The following REC114 variants were observed in gnomAD, a reference collection of about 807,000 sequenced individuals.
The protein encoded by REC114 is REC114 meiotic recombination protein.
Under a neutral mutation model 31.3 loss-of-function variants are expected in REC114, and 27 were observed. That is an observed-to-expected ratio of 0.86 (90% CI 0.64 to 1.19). REC114 has a LOEUF of 1.19. Ranked by LOEUF, REC114 falls within the 50% of genes most tolerant of loss-of-function variation. The pLI is 0.00. For missense variants in REC114, 344 were observed against 326.9 expected, an observed-to-expected ratio of 1.05 and a Z score of -0.40; for synonymous variants, 134 against 127.7, an observed-to-expected ratio of 1.05 and a Z score of -0.33.
intron 3 of REC114, among the ~76,000 whole-genome samples, chr15:73,549,447 C>T (rs1041304925): frequency 7.1e-4 from 108 of 151,914 alleles, no homozygotes; most frequent in African/African-American, 2.5e-3. Flanking sequence ...AACAGGATGA[C>T]GATAATGGAA....
intron 1 of REC114, among the ~76,000 whole-genome samples, chr15:73,471,968 G>A (rs1331912904): frequency 6.6e-6 from 1 of 152,158 alleles, no homozygotes; most frequent in Non-Finnish European, 1.5e-5. Context: ...GGAAAAAGAA[G>A]CAGATAGTGA....
At chr15:73,543,942 C>CTTTTTTT (rs34215297) in intron 3 of REC114, among the ~76,000 whole-genome samples, 13 of 74,134 alleles carry the variant, frequency 1.8e-4, no homozygotes, top group Non-Finnish European at 2.7e-4. Flanking sequence ...TGTTAACTGG[C>CTTTTTTT]TTTTTTTTTT....
At chr15:73,455,553 G>A (rs879880683) in intron 1 of REC114, among the ~76,000 whole-genome samples, 1 of 152,074 alleles carries the variant, frequency 6.6e-6, no homozygotes, top group Non-Finnish European at 1.5e-5. Flanking sequence ...CCTAAGACTC[G>A]AAGTCCTAGT....
chr15:73,551,659 A>C (rs555947067), intron 4 of REC114, among the ~76,000 whole-genome samples: 4 of 152,326 alleles, frequency 2.6e-5, no homozygotes, highest in African/African-American at 7.2e-5. Flanking sequence ...GTCTCAAGGG[A>C]ACGCACCTGT....
intron 1 of REC114, among the ~76,000 whole-genome samples, chr15:73,444,127 T>G (rs1054408228): frequency 1.3e-5 from 2 of 152,274 alleles, no homozygotes; most frequent in Non-Finnish European, 2.9e-5. Context: ...GTCTTTTTGC[T>G]GCTGGAGGGT....
chr15:73,464,464 C>T (rs1048324249), intron 1 of REC114, among the ~76,000 whole-genome samples: 23 of 152,012 alleles, frequency 1.5e-4, no homozygotes, highest in African/African-American at 5.3e-4. Context: ...ATTGCTTTAG[C>T]CCATTGGGTA....
intron 1 of REC114, among the ~76,000 whole-genome samples, chr15:73,455,228 C>T (rs1325289032): frequency 6.6e-6 from 1 of 152,110 alleles, no homozygotes. Context: ...ACTGTACTCT[C>T]TAAGTCTCAT....
intron 2 of REC114, among the ~76,000 whole-genome samples, chr15:73,499,343 A>G (rs1893572318): frequency 1.3e-5 from 2 of 152,086 alleles, no homozygotes; most frequent in African/African-American, 2.4e-5. Flanking sequence ...GAGTGTTTTA[A>G]ATAGCAAAGT....
At chr15:73,528,194 T>A (rs1480161933) in intron 2 of REC114, among the ~76,000 whole-genome samples, 4 of 152,138 alleles carry the variant, frequency 2.6e-5, no homozygotes, top group African/African-American at 7.2e-5. Context: ...TATAACAAAA[T>A]AGTTGATGAG....
intron 2 of REC114, among the ~76,000 whole-genome samples, chr15:73,499,489 T>C (rs1234034004): frequency 6.6e-6 from 1 of 152,132 alleles, no homozygotes; most frequent in Non-Finnish European, 1.5e-5. Context: ...TTTTAACATT[T>C]GAGTTCCCTA....
intron 4 of REC114, among the ~76,000 whole-genome samples, chr15:73,553,577 G>A (rs1595884077): frequency 1.3e-5 from 2 of 152,186 alleles, no homozygotes; most frequent in East Asian, 3.9e-4. Flanking sequence ...TAAAGGTAAT[G>A]AAGTCACATC....
chr15:73,547,202 GA>G (rs1002558722), intron 3 of REC114, among the ~76,000 whole-genome samples: 20 of 151,648 alleles, frequency 1.3e-4, no homozygotes, highest in African/African-American at 4.8e-4. Flanking sequence ...ACTCAATAGG[GA>G]AAAAAAATCT....
At chr15:73,457,320 C>T (rs1892930039) in intron 1 of REC114, among the ~76,000 whole-genome samples, 1 of 152,146 alleles carries the variant, frequency 6.6e-6, no homozygotes, top group Non-Finnish European at 1.5e-5. Context: ...CCTTTCCCCA[C>T]CCTCTGGCAG....
At chr15:73,444,087 C>T (rs1892734510) in intron 1 of REC114, among the ~76,000 whole-genome samples, 1 of 152,226 alleles carries the variant, frequency 6.6e-6, no homozygotes, top group Non-Finnish European at 1.5e-5. Context: ...CTAAAAAATG[C>T]TAACACTCAC....
chr15:73,469,957 G>T (rs1395043059), intron 1 of REC114, among the ~76,000 whole-genome samples: 1 of 152,070 alleles, frequency 6.6e-6, no homozygotes, highest in Non-Finnish European at 1.5e-5. Context: ...TCTAGCTTTT[G>T]ACTAGCATTA....
chr15:73,485,272 CAG>C (rs931254316), intron 2 of REC114, among the ~76,000 whole-genome samples: 3 of 152,038 alleles, frequency 2.0e-5, no homozygotes, highest in African/African-American at 7.2e-5. Context: ...TTAGTAGAGA[CAG>C]GGTTTCACCG....
At chr15:73,451,637 C>T (rs191410126) in intron 1 of REC114, among the ~76,000 whole-genome samples, 120 of 152,228 alleles carry the variant, frequency 7.9e-4, no homozygotes, top group Non-Finnish European at 1.3e-3. Context: ...TTGACAAGGC[C>T]AGCATCATCC....
intron 2 of REC114, among the ~76,000 whole-genome samples, chr15:73,539,489 G>T (rs1404673534): frequency 8.0e-6 from 1 of 124,900 alleles, no homozygotes; most frequent in South Asian, 2.5e-4. Flanking sequence ...TTTAAGGAAA[G>T]CATCAAAGAA....
At position 73,539,282 on chromosome 15, in the gene REC114, AT is replaced by A. The variant is rs753968018; in HGVS notation, c.250-1177del. On this transcript the variant is annotated intron_variant, in intron 2 of 5. Transcript: ENST00000331090. ...GCTTAGAGGTAGCATTTCAGAACTG[AT>A]TTTTTTTTTTTTTTTTTTTTTTTTT... 7.1e-3 allele frequency among the ~76,000 whole-genome samples: 502 copies of A among 70,778 alleles called. 3 individuals carry two copies. Among genetic ancestry groups the A allele is most frequent in the East Asian group, 0.014 (29 of 2,092 alleles). The allele number at this position is 70,778 out of a possible 152,430, so 46.4% of individuals were successfully genotyped here. A position where few individuals can be genotyped will look rare whatever the true frequency, so the allele number is the denominator to read the frequency against.
Sources: gnomAD v4.1 joint callset for allele counts (sites outside exome capture counted in the v4.1 genomes callset) on GRCh38, gnomAD v4.1.1 for gene constraint, MANE v1.5 for transcripts, NCBI Gene and HGNC (gene_info 2026-07-23, HGNC 2026-07-21) for gene names.